Variants in IPO11 observed in about 807,000 individuals in gnomAD.
IPO11 encodes the protein importin 11, also known as importin-11.
A neutral mutation model predicts 143.2 loss-of-function variants in IPO11; 66 were observed. The ratio of observed to expected loss-of-function variants is 0.46; its 90% confidence interval spans 0.38 to 0.57. The LOEUF (loss-of-function observed/expected upper bound fraction) is 0.57. IPO11 is among the 20% of genes least tolerant of loss of function. The pLI, the probability that IPO11 is intolerant of heterozygous loss-of-function variation, is 0.00. For missense variants in IPO11, 1,026 were observed against 1,141.0 expected (o/e 0.90, Z 1.45); for synonymous variants, 385 against 377.8 (o/e 1.02, Z -0.22).
At chr5:62,515,972 A>G (rs560843678) in intron 20 of IPO11, among the ~76,000 whole-genome samples, 4 of 152,338 alleles carry the variant, frequency 2.6e-5, no homozygotes, top group Middle Eastern at 3.4e-3. Context: ...ATGTGGTAGC[A>G]GGTAGAGAGG....
intron 15 of IPO11, among the ~76,000 whole-genome samples, chr5:62,492,861 G>GT: frequency 6.6e-6 from 1 of 151,974 alleles, no homozygotes; most frequent in African/African-American, 2.4e-5. Flanking sequence ...TTAATGAGCA[G>GT]TTTTTTCCTG....
chr5:62,453,049 C>T (rs888341515), intron 5 of IPO11, among the ~76,000 whole-genome samples: 10 of 150,766 alleles, frequency 6.6e-5, no homozygotes, highest in African/African-American at 1.5e-4. Context: ...TCTTATTATA[C>T]GGTCACATGA....
At chr5:62,602,823 C>T (rs1179048921) in intron 29 of IPO11, among the ~76,000 whole-genome samples, 4 of 152,204 alleles carry the variant, frequency 2.6e-5, no homozygotes, top group Non-Finnish European at 5.9e-5. Context: ...ATTCTTAAGA[C>T]CTGAATTCTA....
At chr5:62,612,366 A>T (rs897330166) in intron 29 of IPO11, among the ~76,000 whole-genome samples, 2 of 152,194 alleles carry the variant, frequency 1.3e-5, no homozygotes, top group Non-Finnish European at 2.9e-5. Context: ...TGTGAGTTTC[A>T]GTGTAGTTTC....
chr5:62,625,102 G>A (rs1037000274), intron 29 of IPO11, among the ~76,000 whole-genome samples: 3 of 151,564 alleles, frequency 2.0e-5, no homozygotes, highest in South Asian at 2.1e-4. Flanking sequence ...AGTGAATAAT[G>A]ACATATGCCA....
chr5:62,465,049 C>T (rs1414780558), intron 5 of IPO11, among the ~76,000 whole-genome samples: 2 of 152,116 alleles, frequency 1.3e-5, no homozygotes, highest in Non-Finnish European at 2.9e-5. Flanking sequence ...CAGTACAAAA[C>T]GGATCTACAA....
chr5:62,446,028 A>G (rs1744707371), intron 3 of IPO11, among the ~76,000 whole-genome samples: 1 of 152,220 alleles, frequency 6.6e-6, no homozygotes, highest in African/African-American at 2.4e-5. Flanking sequence ...GTAGAAGGGA[A>G]CTATTAAAGT....
intron 2 of IPO11, 105 bp from the exon 3 acceptor site, chr5:62,442,878 C>CAAAACAA (rs1229447738): frequency 3.0e-6 from 2 of 663,110 alleles, no homozygotes; most frequent in African/African-American, 3.8e-5. Flanking sequence ...CAAAACAAAA[C>CAAAACAA]AAAACAAAAC....
intron 24 of IPO11, among the ~76,000 whole-genome samples, chr5:62,549,185 A>T (rs1206954310): frequency 6.6e-6 from 1 of 151,970 alleles, no homozygotes; most frequent in Non-Finnish European, 1.5e-5. Flanking sequence ...TGAGGAATTG[A>T]TATCTTGTAT....
chr5:62,611,231 A>G (rs767787469), intron 29 of IPO11, among the ~76,000 whole-genome samples: 10 of 152,182 alleles, frequency 6.6e-5, no homozygotes, highest in Non-Finnish European at 1.2e-4. Context: ...TTCAGGTCCT[A>G]AAAAGTGCAG....
chr5:62,472,363 G>A (rs755273455), intron 7 of IPO11, among the ~76,000 whole-genome samples: 3 of 152,010 alleles, frequency 2.0e-5, no homozygotes, highest in Middle Eastern at 6.8e-3. Context: ...GGCTGTCATC[G>A]ATATTTTGTG....
chr5:62,458,354 G>A (rs1341231684), intron 5 of IPO11, among the ~76,000 whole-genome samples: 1 of 27,158 alleles, frequency 3.7e-5, no homozygotes, highest in South Asian at 2.0e-3. Context: ...AGGCTGGAGT[G>A]CAGTGGTGCA....
chr5:62,601,032 T>C (rs1745488272), intron 28 of IPO11, among the ~76,000 whole-genome samples: 1 of 152,250 alleles, frequency 6.6e-6, no homozygotes. Flanking sequence ...CCAAACTTTC[T>C]TTGCCACTGT....
chr5:62,551,289 T>A lies in IPO11; in HGVS notation c.2413T>A (p.Phe805Ile), dbSNP rs1340489473. ...MGRVLLQNTSFFSSLLNEMAH... is the reference protein window; with the variant it reads ...MGRVLLQNTSIFSSLLNEMAH... ...TCGAGTTCTACTACAAAACACTAGT[T>A]TTTTTTCTTCACTACTTAATGAGAT... The change falls in exon 26 of 30, where the codon TTT becomes ATT. Residue 805 changes from phenylalanine to isoleucine, a missense_variant. Coordinates refer to ENST00000325324, the MANE Select transcript of IPO11 (RefSeq NM_016338.5). 2.5e-6 allele frequency: 4 copies of A among 1,610,340 alleles called. No individual in the cohort carries two copies. Among genetic ancestry groups the A allele is most frequent in the Non-Finnish European group, 3.4e-6 (4 of 1,177,942 alleles).
intron 25 of IPO11, among the ~76,000 whole-genome samples, 183 bp from the exon 26 acceptor site, chr5:62,551,040 G>C (rs1179807160): frequency 1.5e-5 from 2 of 136,494 alleles, no homozygotes; most frequent in African/African-American, 5.6e-5. Context: ...TATATATATG[G>C]TGCATATAAT....
chr5:62,577,625 C>T (rs1454733825), intron 27 of IPO11, among the ~76,000 whole-genome samples: 1 of 151,946 alleles, frequency 6.6e-6, no homozygotes, highest in East Asian at 1.9e-4. Flanking sequence ...ATTTTTAATG[C>T]ATAAAATAGC....
At position 62,598,509 on chromosome 5, in the gene IPO11, T is replaced by C. The variant is rs1320433694; in HGVS notation, c.2679-3255T>C. 7.4e-4 allele frequency among the ~76,000 whole-genome samples: 5 copies of C among 6,732 alleles called. No homozygotes were observed. In the African/African-American group the frequency reaches 0.01, roughly 14 times the overall value. The allele number at this position is 6,732 out of a possible 152,430, so 4.4% of individuals were successfully genotyped here. On this transcript the variant is annotated intron_variant, in intron 28 of 29. Coordinates refer to ENST00000325324, the MANE Select transcript of IPO11 (RefSeq NM_016338.5). ...CTCTCTCTCTCTTTCTTTCTTTCTT[T>C]CTTTCTTTCTTTCTTTCTTTTCTTT...
At chr5:62,435,212 G>GTATATATATGTA (rs1744173528) in intron 1 of IPO11, among the ~76,000 whole-genome samples, 2 of 79,680 alleles carry the variant, frequency 2.5e-5, no homozygotes, top group African/African-American at 5.5e-5. Flanking sequence ...ATATATATGT[G>GTATATATATGTA]TATATATATA....
chr5:62,490,745 A>G (rs1170354949), intron 15 of IPO11, among the ~76,000 whole-genome samples: 1 of 152,198 alleles, frequency 6.6e-6, no homozygotes, highest in Non-Finnish European at 1.5e-5. Flanking sequence ...TAGTACATTT[A>G]ATAGCACATT....
Sources: allele counts gnomAD v4.1 joint callset (sites outside exome capture counted in the v4.1 genomes callset), GRCh38; gene constraint gnomAD v4.1.1; transcripts MANE v1.5; gene names NCBI Gene and HGNC (gene_info 2026-07-23, HGNC 2026-07-21).